Variants in LIPK observed in about 807,000 individuals in gnomAD.
The protein encoded by LIPK is lipase family member K, also known as lipase member K.
A neutral mutation model predicts 48.6 loss-of-function variants in LIPK; 32 were observed. The observed-to-expected ratio is 0.66, with a 90% CI of 0.50 to 0.88. The LOEUF (loss-of-function observed/expected upper bound fraction) is 0.88, where lower values mean the gene tolerates loss of function less well. Among genes scored for constraint, LIPK ranks in the 40% least tolerant of loss-of-function variants. LIPK has a pLI of 0.00. For missense variants in LIPK, 507 were observed against 478.5 expected (o/e 1.06, Z -0.56); for synonymous variants, 164 against 157.4 (o/e 1.04, Z -0.32).
intron 9 of LIPK, among the ~76,000 whole-genome samples, chr10:88,748,012 G>A (rs372178): frequency 0.24 from 36,308 of 152,066 alleles, 4,492 homozygotes; most frequent in East Asian, 0.37. Context: ...CAACGGAAAT[G>A]CCCATCAATA....
chr10:88,719,246 C>A (rs903195283), intron 1 of LIPK, among the ~76,000 whole-genome samples: 2 of 152,162 alleles, frequency 1.3e-5, no homozygotes, highest in African/African-American at 4.8e-5. Context: ...CAACCCTACA[C>A]GTAGGTGTTA....
In LIPK at chr10:88,740,046, G is replaced by C; in HGVS notation, c.867G>C (p.Gln289His). The change falls in exon 8 of 10, where the codon CAG becomes CAC. Residue 289 changes from glutamine (Q) to histidine (H), a missense_variant. By Grantham distance (24) the Gln-to-His change is conservative. Transcript: ENST00000404190. ...LSHNPAGTSV[Q>H]NMLHWAQAVN... ...ACAATCCTGCGGGAACATCTGTTCA[G>C]AATATGCTGCACTGGGCTCAGGTAA... 2.5e-6 allele frequency: 4 copies of C among 1,610,740 alleles called. No homozygotes were observed. In the African/African-American group the frequency reaches 4.0e-5, roughly 16 times the overall value.
chr10:88,749,959 C>CA (rs1175691220), intron 9 of LIPK, among the ~76,000 whole-genome samples: 1 of 151,778 alleles, frequency 6.6e-6, no homozygotes, highest in African/African-American at 2.4e-5. Flanking sequence ...AACTAACAAG[C>CA]AAAAAAACCA....
intron 6 of LIPK, among the ~76,000 whole-genome samples, chr10:88,733,922 G>T (rs1842519634): frequency 6.6e-6 from 1 of 152,176 alleles, no homozygotes; most frequent in South Asian, 2.1e-4. Context: ...AGAGTAGAAT[G>T]GGATTCAACT....
chr10:88,743,148 A>C (rs1367964046), intron 8 of LIPK, 102 bp from the exon 9 acceptor site: 6 of 640,082 alleles, frequency 9.4e-6, no homozygotes, highest in Non-Finnish European at 1.6e-5. Context: ...ATGTTTCTAA[A>C]GACTGGGGCA....
At position 88,732,436 on chromosome 10, in the gene LIPK, A is replaced by G; in HGVS notation, c.554A>G (p.Asn185Ser). 2 of 1,613,126 alleles carry G rather than the reference A, an allele frequency of 1.2e-6. No individual in the cohort carries two copies. The highest frequency in any genetic ancestry group is 1.7e-6 in the Non-Finnish European group (2 of 1,179,652). ...TTIAFIAFST[N>S]PELAKKIKIF... is the part of the protein sequence containing the mutation. ...TCAGCTTTTATAGCATTTTCTACAAACCCAGAACTGGCTAAAAAGATTAAG... is the reference window on the plus strand; with the variant it reads ...TCAGCTTTTATAGCATTTTCTACAAGCCCAGAACTGGCTAAAAAGATTAAG... Residue 185 changes from asparagine to serine, a missense_variant, in exon 6 of 10, where the codon AAC (asparagine) becomes AGC (serine). Asn to Ser is a conservative substitution (Grantham distance 46). Coordinates refer to ENST00000404190, the MANE Select transcript of LIPK (RefSeq NM_001080518.2).
chr10:88,750,115 C>T (rs1842839810), intron 9 of LIPK, among the ~76,000 whole-genome samples: 1 of 152,128 alleles, frequency 6.6e-6, no homozygotes, highest in South Asian at 2.1e-4. Context: ...GATAGCATCT[C>T]ACACCAGTCA....
At chr10:88,719,021 G>A (rs1290074235) in intron 1 of LIPK, among the ~76,000 whole-genome samples, 1 of 152,158 alleles carries the variant, frequency 6.6e-6, no homozygotes, top group South Asian at 2.1e-4. Flanking sequence ...TTATAAATAC[G>A]AAGTATTTGT....
At chr10:88,727,111 G>A (rs1842359660) in intron 3 of LIPK, among the ~76,000 whole-genome samples, 199 bp downstream of exon 3, 2 of 152,062 alleles carry the variant, frequency 1.3e-5, no homozygotes, top group South Asian at 2.1e-4. Context: ...TGTTTATCTG[G>A]TCACTCCTTT....
At chr10:88,749,760 G>T (rs1490417710) in intron 9 of LIPK, among the ~76,000 whole-genome samples, 1 of 152,170 alleles carries the variant, frequency 6.6e-6, no homozygotes, top group African/African-American at 2.4e-5. Flanking sequence ...AAAATTTCAT[G>T]ATAAAGATGC....
intron 1 of LIPK, among the ~76,000 whole-genome samples, chr10:88,716,004 C>T (rs1176692983): frequency 1.3e-5 from 2 of 151,906 alleles, no homozygotes; most frequent in African/African-American, 4.8e-5. Flanking sequence ...AGTTACACCA[C>T]CATATTTGGA....
chr10:88,723,855 T>C lies in LIPK; in HGVS notation c.-11-678T>C, dbSNP rs377134695. ...TTGAAGTCTGTTTTTCCCTACGTAT[T>C]ATGTAGTAGGAATTTTCACATATCA... On this transcript the variant is annotated intron_variant, in intron 1 of 9. Coordinates refer to ENST00000404190, the MANE Select transcript of LIPK (RefSeq NM_001080518.2). Among the ~76,000 whole-genome samples the C allele has an allele frequency of 1.4e-4, 22 of 152,186 alleles. No individual in the cohort carries two copies. The East Asian group carries it at 1.5e-3, about 11-fold the overall frequency.
chr10:88,743,349 C>G, intron 9 of LIPK, 28 bp downstream of exon 9: 4 of 1,508,674 alleles, frequency 2.7e-6, no homozygotes, highest in Non-Finnish European at 3.6e-6. Context: ...ATAATCAGTT[C>G]CATGCTGCAA....
chr10:88,724,170 T>C (rs564387238), intron 1 of LIPK, among the ~76,000 whole-genome samples: 1 of 152,272 alleles, frequency 6.6e-6, no homozygotes, highest in Admixed American at 6.5e-5. Context: ...TACCAACCAA[T>C]CTAGTAACTA....
At chr10:88,728,689 GC>G in intron 3 of LIPK, 1 of 436,908 alleles carries the variant, frequency 2.3e-6, no homozygotes, top group Non-Finnish European at 4.6e-6. Flanking sequence ...GGGACGCAGA[GC>G]AGGTGTATGC....
chr10:88,714,565 A>C (rs1015438765), intron 1 of LIPK, among the ~76,000 whole-genome samples: 17 of 152,204 alleles, frequency 1.1e-4, no homozygotes, highest in African/African-American at 3.6e-4. Flanking sequence ...AAACAAATTC[A>C]ACTTTTAAAG....
chr10:88,715,745 CTCTTTCTT>C (rs974032382), intron 1 of LIPK, among the ~76,000 whole-genome samples: 2 of 150,556 alleles, frequency 1.3e-5, no homozygotes, highest in Admixed American at 6.6e-5. Context: ...CTTTCTGTTT[CTCTTTCTT>C]TCTTTCTTTC....
At chr10:88,738,016 C>T (rs922511045) in intron 7 of LIPK, among the ~76,000 whole-genome samples, 5 of 152,204 alleles carry the variant, frequency 3.3e-5, no homozygotes, top group East Asian at 1.9e-4. Context: ...AAACGTCCTT[C>T]GCTTAGATAA....
chr10:88,752,192 A>G (rs1327867911), intron 9 of LIPK, among the ~76,000 whole-genome samples: 1 of 152,148 alleles, frequency 6.6e-6, no homozygotes, highest in East Asian at 1.9e-4. Flanking sequence ...TTTTGTTTGA[A>G]AAGGTCACAT....
Sources: allele counts gnomAD v4.1 joint callset (sites outside exome capture counted in the v4.1 genomes callset), GRCh38; gene constraint gnomAD v4.1.1; transcripts MANE v1.5; gene names NCBI Gene and HGNC (gene_info 2026-07-23, HGNC 2026-07-21).